Variants in SPON1 observed in about 807,000 individuals in gnomAD.
SPON1 encodes the protein spondin-1.
In SPON1, 52 loss-of-function variants were observed where a neutral mutation model predicts 111.7. That is an observed-to-expected ratio of 0.47 (90% CI 0.37 to 0.59). SPON1 has a LOEUF of 0.59. Among genes scored for constraint, SPON1 ranks in the 20% least tolerant of loss-of-function variants. The pLI is 0.00. For missense variants in SPON1, 957 were observed against 1,068.5 expected, an observed-to-expected ratio of 0.90 and a Z score of 1.46; for synonymous variants, 410 against 395.8, an observed-to-expected ratio of 1.04 and a Z score of -0.43.
At chr11:14,111,504 A>C (rs1407561061) in intron 5 of SPON1, among the ~76,000 whole-genome samples, 1 of 152,240 alleles carries the variant, frequency 6.6e-6, no homozygotes, top group Non-Finnish European at 1.5e-5. Context: ...CATAGAAGGG[A>C]GGAATATGTA....
At chr11:14,095,404 C>CTAGG (rs1426727366) in intron 5 of SPON1, among the ~76,000 whole-genome samples, 2 of 148,208 alleles carry the variant, frequency 1.3e-5, no homozygotes, top group African/African-American at 5.0e-5. Flanking sequence ...AAATGAGAGA[C>CTAGG]TAGATAGATA....
intron 5 of SPON1, among the ~76,000 whole-genome samples, chr11:14,128,030 G>A (rs576953671): frequency 2.6e-5 from 4 of 152,140 alleles, no homozygotes; most frequent in Non-Finnish European, 5.9e-5. Context: ...TCCCTCCCTC[G>A]ACATGTGGGA....
intron 3 of SPON1, among the ~76,000 whole-genome samples, chr11:14,044,659 A>G (rs1041999805): frequency 7.9e-5 from 12 of 152,140 alleles, no homozygotes; most frequent in Admixed American, 7.2e-4. Flanking sequence ...TCTCAATTCC[A>G]GTTTTCTACA....
chr11:14,128,853 C>T (rs1215564912), intron 5 of SPON1, among the ~76,000 whole-genome samples: 7 of 152,258 alleles, frequency 4.6e-5, no homozygotes, highest in Non-Finnish European at 8.8e-5. Context: ...CACAGACCCC[C>T]AACACCACGT....
At chr11:14,132,149 A>ATG in intron 5 of SPON1, among the ~76,000 whole-genome samples, 2 of 152,162 alleles carry the variant, frequency 1.3e-5, no homozygotes, top group South Asian at 4.2e-4. Context: ...GTGGTGGCGG[A>ATG]CGCCTGTAAT....
intron 3 of SPON1, among the ~76,000 whole-genome samples, chr11:14,063,973 G>A (rs1848811344): frequency 6.6e-6 from 1 of 152,198 alleles, no homozygotes; most frequent in African/African-American, 2.4e-5. Flanking sequence ...ACTCTGGGTG[G>A]CACTGCTAAT....
intron 4 of SPON1, among the ~76,000 whole-genome samples, chr11:14,077,173 G>T (rs2618507): frequency 1 from 151,931 of 152,298 alleles, 75,784 homozygotes; most frequent in Middle Eastern, 1. Context: ...ATGATTGATG[G>T]CAGTACATGA....
intron 7 of SPON1, among the ~76,000 whole-genome samples, chr11:14,246,955 C>A (rs1329449402): frequency 6.6e-6 from 1 of 152,100 alleles, no homozygotes; most frequent in Non-Finnish European, 1.5e-5. Flanking sequence ...TCTGGAGAGA[C>A]CATCATGTAT....
intron 4 of SPON1, 99 bp downstream of exon 4, chr11:14,075,517 G>A (rs1440099398): frequency 2.6e-5 from 22 of 854,024 alleles, no homozygotes; most frequent in Non-Finnish European, 3.9e-5. Flanking sequence ...CCTGGGCTTC[G>A]TGAGTTCCTC....
At chr11:14,188,122 G>A (rs958581970) in intron 6 of SPON1, among the ~76,000 whole-genome samples, 1 of 152,056 alleles carries the variant, frequency 6.6e-6, no homozygotes. Flanking sequence ...TGGCCACGCT[G>A]GTCTCAAACT....
chr11:14,158,756 T>C (rs1847877425), intron 6 of SPON1, among the ~76,000 whole-genome samples: 1 of 152,170 alleles, frequency 6.6e-6, no homozygotes, highest in South Asian at 2.1e-4. Flanking sequence ...TAGTTGTTCT[T>C]GGGAGATTGT....
intron 5 of SPON1, among the ~76,000 whole-genome samples, chr11:14,095,793 A>T (rs1849096225): frequency 1.3e-5 from 2 of 152,252 alleles, no homozygotes; most frequent in Admixed American, 6.5e-5. Context: ...CACATCTGGA[A>T]ATCCTCACAG....
At chr11:14,017,360 ACAT>A (rs1848451130) in intron 2 of SPON1, among the ~76,000 whole-genome samples, 1 of 152,250 alleles carries the variant, frequency 6.6e-6, no homozygotes, top group African/African-American at 2.4e-5. Flanking sequence ...TGTTTTAATT[ACAT>A]CATTGTTTTC....
chr11:13,982,166 A>ATATG (rs60172146), intron 1 of SPON1, among the ~76,000 whole-genome samples: 32,429 of 151,028 alleles, frequency 0.21, 3,541 homozygotes, highest in Middle Eastern at 0.29. Context: ...AAACTTTATC[A>ATATG]TATGTATGTA....
At chr11:14,051,841 C>CTTAT in intron 3 of SPON1, among the ~76,000 whole-genome samples, 1 of 152,172 alleles carries the variant, frequency 6.6e-6, no homozygotes, top group South Asian at 2.1e-4. Context: ...ATGCTAAATG[C>CTTAT]ATTGCATGTC....
At chr11:14,161,209 T>TTTTATATATC (rs1564920130) in intron 6 of SPON1, among the ~76,000 whole-genome samples, 11 of 47,670 alleles carry the variant, frequency 2.3e-4, no homozygotes, top group Non-Finnish European at 2.2e-4. Flanking sequence ...ATTTATATAT[T>TTTTATATATC]TATATATATC....
At position 14,257,781 on chromosome 11, in the gene SPON1, T is replaced by C. The variant is rs1591429560; in HGVS notation, c.1375T>C (p.Cys459Arg). 6.2e-7 allele frequency: 1 copy of C among 1,613,028 alleles called. No individual in the cohort carries two copies. The highest frequency in any genetic ancestry group is 1.1e-5 in the South Asian group (1 of 90,792). The change falls in exon 11 of 16, where the codon TGT becomes CGT. Residue 459 changes from cysteine (C) to arginine (R), a missense_variant. Around this residue, in one of 5 missense-constraint regions of SPON1, gnomAD observed 549 missense variants for 606.2 expected, o/e 0.91. Coordinates refer to ENST00000576479, the MANE Select transcript of SPON1 (RefSeq NM_006108.4). The part of the protein sequence containing the change: ...SPWSACSSST[C>R]DKGKRMRQRM... The stretch of plus-strand genomic sequence containing the variant: ...ATGGTCCGCCTGCAGCTCCTCCACC[T>C]GTGACAAAGGCAAGAGGATGCGACA...
intron 1 of SPON1, among the ~76,000 whole-genome samples, chr11:13,968,568 C>T (rs1456442584): frequency 2.0e-5 from 3 of 152,008 alleles, no homozygotes; most frequent in Non-Finnish European, 4.4e-5. Context: ...ACTAATTTTG[C>T]CTATTTTCAC....
intron 5 of SPON1, among the ~76,000 whole-genome samples, chr11:14,091,800 C>T (rs1849060840): frequency 6.6e-6 from 1 of 152,224 alleles, no homozygotes; most frequent in African/African-American, 2.4e-5. Flanking sequence ...GGCTGAAGGG[C>T]TCCTCAAATG....
Sources: gnomAD v4.1 joint callset for allele counts (sites outside exome capture counted in the v4.1 genomes callset) on GRCh38, gnomAD v4.1.1 for gene constraint, gnomAD v4.1.1 regional missense constraint, MANE v1.5 for transcripts, NCBI Gene and HGNC (gene_info 2026-07-23, HGNC 2026-07-21) for gene names.